Variants in CEACAM6 observed in about 807,000 individuals in gnomAD.
CEACAM6 encodes the protein cell adhesion molecule CEACAM6.
A neutral mutation model predicts 32.4 loss-of-function variants in CEACAM6; 21 were observed. The observed-to-expected ratio is 0.65, with a 90% CI of 0.46 to 0.93. The LOEUF (loss-of-function observed/expected upper bound fraction) is 0.93, where lower values mean the gene tolerates loss of function less well. CEACAM6 is among the 40% of genes least tolerant of loss of function. The pLI is 0.00. For missense variants in CEACAM6, 406 were observed against 432.2 expected (o/e 0.94, Z 0.54); for synonymous variants, 184 against 174.4 (o/e 1.06, Z -0.43).
chr19:41,756,954 T>A lies in CEACAM6; in HGVS notation c.419T>A (p.Val140Glu). ...GAAGAAGCAACCGGACAGTTCCATGTATACCGTGAGTATTTCCACATGACC... is the reference window on the plus strand; with the variant it reads ...GAAGAAGCAACCGGACAGTTCCATGAATACCGTGAGTATTTCCACATGACC... ...VNEEATGQFHVYPELPKPSIS... is the reference protein window; with the variant it reads ...VNEEATGQFHEYPELPKPSIS... Residue 140 changes from valine to glutamate, a missense_variant, in exon 2 of 6, where the codon GTA becomes GAA. By Grantham distance (121) the Val-to-Glu change is moderately radical (BLOSUM62 -2). Transcript: ENST00000199764. 1 of 1,600,506 alleles carries A rather than the reference T, an allele frequency of 6.2e-7. No homozygotes were observed. Among genetic ancestry groups the A allele is most frequent in the Non-Finnish European group, 8.5e-7 (1 of 1,171,828 alleles).
chr19:41,759,159 G>C (rs574128204), intron 2 of CEACAM6, among the ~76,000 whole-genome samples: 1 of 152,308 alleles, frequency 6.6e-6, no homozygotes, highest in African/African-American at 2.4e-5. Flanking sequence ...TCCCCAGGTG[G>C]AGCCGGCCAG....
At chr19:41,764,489 T>C (rs2122926922) in intron 4 of CEACAM6, among the ~76,000 whole-genome samples, 1 of 152,234 alleles carries the variant, frequency 6.6e-6, no homozygotes, top group South Asian at 2.1e-4. Context: ...TGTGTCGCCC[T>C]ATGTTGCATA....
chr19:41,768,863 TG>T (rs1310307004), intron 5 of CEACAM6, among the ~76,000 whole-genome samples: 2 of 152,266 alleles, frequency 1.3e-5, no homozygotes, highest in African/African-American at 2.4e-5. Flanking sequence ...TCTCATCAGA[TG>T]TTTAACCATA....
chr19:41,766,399 T>C (rs1481968395), intron 5 of CEACAM6, 100 bp downstream of exon 5: 2 of 543,088 alleles, frequency 3.7e-6, no homozygotes, highest in Non-Finnish European at 6.5e-6. Flanking sequence ...CTGGATCTCC[T>C]TCTACCGCTA....
At chr19:41,760,761 G>A (rs2072917686) in intron 2 of CEACAM6, among the ~76,000 whole-genome samples, 1 of 152,210 alleles carries the variant, frequency 6.6e-6, no homozygotes, top group Admixed American at 6.5e-5. Flanking sequence ...AGGCCAGGCT[G>A]CACAGTATCC....
intron 2 of CEACAM6, 45 bp from the exon 3 acceptor site, chr19:41,761,204 T>A (rs782682266): frequency 6.2e-7 from 1 of 1,613,302 alleles, no homozygotes; most frequent in South Asian, 1.1e-5. Context: ...TGTGGAGGAA[T>A]CAAAGGTGCC....
intron 2 of CEACAM6, among the ~76,000 whole-genome samples, 174 bp from the exon 3 acceptor site, chr19:41,761,075 C>T (rs1343094452): frequency 6.6e-6 from 1 of 152,222 alleles, no homozygotes; most frequent in Non-Finnish European, 1.5e-5. Context: ...GGTGATCTCA[C>T]ACAATCTCAG....
chr19:41,756,742 A>G lies in CEACAM6; in HGVS notation c.207A>G (p.Lys69=). The change falls in exon 2 of 6, where the codon AAA becomes AAG. Residue 69 remains lysine, a synonymous_variant. Transcript: ENST00000199764. ...ATCGTATTGGTTACAGCTGGTACAAAGGCGAAAGAGTGGATGGCAACAGTC... is the reference window on the plus strand; with the variant it reads ...ATCGTATTGGTTACAGCTGGTACAAGGGCGAAAGAGTGGATGGCAACAGTC... ...PQNRIGYSWY[K]GERVDGNSLI... The G allele has an allele frequency of 6.2e-7, 1 of 1,614,124 alleles. No individual in the cohort carries two copies. Among genetic ancestry groups the G allele is most frequent in the South Asian group, 1.1e-5 (1 of 91,072 alleles).
Position 41,761,465 on chromosome 19 carries a change from A to C in CEACAM6, c.641A>C (p.Glu214Ala), listed in dbSNP as rs782296053. 6.2e-7 allele frequency: 1 copy of C among 1,614,066 alleles called. No homozygotes were observed. The highest frequency in any genetic ancestry group is 8.5e-7 in the Non-Finnish European group (1 of 1,180,050). ...SVKRNDAGSY[E>A]CEIQNPASAN... ...AAAAGGAACGATGCAGGATCCTATGAATGTGAAATACAGAACCCAGCGAGT... is the reference window on the plus strand; with the variant it reads ...AAAAGGAACGATGCAGGATCCTATGCATGTGAAATACAGAACCCAGCGAGT... The change falls in exon 3 of 6, where the codon GAA (glutamate) becomes GCA (alanine). Residue 214 changes from glutamate (E) to alanine (A), a missense_variant. Transcript: ENST00000199764.
intron 2 of CEACAM6, among the ~76,000 whole-genome samples, chr19:41,757,507 C>T (rs1555821314): frequency 6.6e-6 from 1 of 152,116 alleles, no homozygotes. Flanking sequence ...CAGGTCCGAG[C>T]ACCCAGAGCC....
intron 5 of CEACAM6, among the ~76,000 whole-genome samples, chr19:41,769,625 A>G (rs2072979921): frequency 6.6e-6 from 1 of 151,816 alleles, no homozygotes; most frequent in Non-Finnish European, 1.5e-5. Flanking sequence ...AAATTGAAAC[A>G]TCTATATTTT....
intron 4 of CEACAM6, among the ~76,000 whole-genome samples, chr19:41,763,650 T>C (rs895875917): frequency 3.3e-5 from 5 of 152,168 alleles, no homozygotes; most frequent in African/African-American, 1.2e-4. Flanking sequence ...TGTGCATCCG[T>C]CTTCTGACAC....
chr19:41,769,743 T>C (rs1273277891), intron 5 of CEACAM6, among the ~76,000 whole-genome samples: 1 of 148,926 alleles, frequency 6.7e-6, no homozygotes, highest in Non-Finnish European at 1.5e-5. Flanking sequence ...TTAATTGTTA[T>C]AAAATAATTA....
chr19:41,768,146 G>T (rs2072967343), intron 5 of CEACAM6, among the ~76,000 whole-genome samples: 1 of 151,720 alleles, frequency 6.6e-6, no homozygotes, highest in Non-Finnish European at 1.5e-5. Context: ...GATTTGGCAG[G>T]GTCATAGGAC....
At position 41,770,255 on chromosome 19, in the gene CEACAM6, C is replaced by CAAAAAA. The variant is rs1158293587; in HGVS notation, c.*41-531_*41-526dup. Among the ~76,000 whole-genome samples the CAAAAAA allele has an allele frequency of 2.0e-4, 8 of 40,532 alleles. 1 individual carries two copies. The highest frequency in any genetic ancestry group is 4.8e-4 in the African/African-American group (7 of 14,694). The allele number at this position is 40,532 out of a possible 152,430, so 26.6% of individuals were successfully genotyped here. On this transcript the variant is annotated intron_variant, in intron 5 of 5. Coordinates refer to ENST00000199764, the MANE Select transcript of CEACAM6 (RefSeq NM_002483.7). ...CAAAACCTCGTCTCTGCTAAAAATACAAAAAAAAAAAAAAAAAAAAAGCTA... is the reference window on the plus strand; with the variant it reads ...CAAAACCTCGTCTCTGCTAAAAATACAAAAAAAAAAAAAAAAAAAAAAAAAAAGCTA...
chr19:41,759,402 C>T (rs2072909265), intron 2 of CEACAM6, among the ~76,000 whole-genome samples: 1 of 152,192 alleles, frequency 6.6e-6, no homozygotes, highest in Non-Finnish European at 1.5e-5. Context: ...CCCTATTTGC[C>T]TAACTGCACA....
chr19:41,764,433 T>A (rs1394728161), intron 4 of CEACAM6, among the ~76,000 whole-genome samples: 2 of 151,848 alleles, frequency 1.3e-5, no homozygotes, highest in Non-Finnish European at 2.9e-5. Context: ...ACTACAGGCA[T>A]ATGCCATCAT....
intron 5 of CEACAM6, 75 bp downstream of exon 5, chr19:41,766,374 C>G (rs1041931559): frequency 7.5e-6 from 5 of 667,018 alleles, no homozygotes; most frequent in Non-Finnish European, 1.2e-5. Flanking sequence ...AAAACTTCTT[C>G]ACCTGTATCT....
At chr19:41,767,996 T>C (rs1259822788) in intron 5 of CEACAM6, among the ~76,000 whole-genome samples, 1 of 152,216 alleles carries the variant, frequency 6.6e-6, no homozygotes, top group Non-Finnish European at 1.5e-5. Context: ...TTCCCAGAAA[T>C]CTAACAGATT....
Sources: allele counts gnomAD v4.1 joint callset (sites outside exome capture counted in the v4.1 genomes callset), GRCh38; gene constraint gnomAD v4.1.1; transcripts MANE v1.5; gene names NCBI Gene and HGNC (gene_info 2026-07-23, HGNC 2026-07-21).